The following XDH variants were observed in gnomAD, a reference collection of about 807,000 sequenced individuals.
XDH encodes the protein xanthine dehydrogenase/oxidase.
A neutral mutation model predicts 156.1 loss-of-function variants in XDH; 138 were observed. The observed-to-expected ratio is 0.88, with a 90% CI of 0.77 to 1.02. The LOEUF (loss-of-function observed/expected upper bound fraction) is 1.02. Among genes scored for constraint, XDH ranks in the 50% least tolerant of loss-of-function variants. The pLI is 0.00. For missense variants in XDH, 1,849 were observed against 1,684.9 expected (o/e 1.10, Z -1.71); for synonymous variants, 669 against 625.7 (o/e 1.07, Z -1.03).
chr2:31,382,032 C>T (rs978198441), intron 11 of XDH, among the ~76,000 whole-genome samples: 1 of 152,110 alleles, frequency 6.6e-6, no homozygotes, highest in Non-Finnish European at 1.5e-5. Flanking sequence ...GGTGATTTAT[C>T]ACAGAGGCCA....
At chr2:31,346,742 A>G (rs776142958) in intron 30 of XDH, 27 bp downstream of exon 30, 1 of 1,613,762 alleles carries the variant, frequency 6.2e-7, no homozygotes, top group Non-Finnish European at 8.5e-7. Context: ...TCCTTTGCAA[A>G]CGTGACTTGG....
chr2:31,413,288 T>C (rs1687390968), intron 1 of XDH, among the ~76,000 whole-genome samples: 2 of 152,214 alleles, frequency 1.3e-5, no homozygotes, highest in Admixed American at 1.3e-4. Flanking sequence ...ATTTCTACAA[T>C]GTAATTGCTG....
intron 24 of XDH, among the ~76,000 whole-genome samples, chr2:31,351,676 G>A (rs1685485560): frequency 6.6e-6 from 1 of 152,130 alleles, no homozygotes; most frequent in Admixed American, 6.5e-5. Flanking sequence ...ATCTTCATAA[G>A]AAAGGGTACA....
intron 11 of XDH, 30 bp downstream of exon 11, chr2:31,382,971 G>A (rs575837386): frequency 8.6e-5 from 138 of 1,613,882 alleles, no homozygotes; most frequent in South Asian, 8.1e-4. Flanking sequence ...TCCATCCTAC[G>A]GGCCTCGCTT....
chr2:31,346,710 G>C (rs1439634770), intron 30 of XDH, 59 bp downstream of exon 30: 2 of 1,594,170 alleles, frequency 1.3e-6, no homozygotes, highest in Admixed American at 3.3e-5. Context: ...TCGGAACGGA[G>C]GCCCTGCTGT....
intron 1 of XDH, among the ~76,000 whole-genome samples, chr2:31,408,412 C>A (rs1687250455): frequency 6.6e-6 from 1 of 152,178 alleles, no homozygotes; most frequent in Non-Finnish European, 1.5e-5. Context: ...CAACAGGATA[C>A]CAATGGGTAT....
At position 31,375,258 on chromosome 2, in the gene XDH, C is replaced by T. The variant is rs1033770822; in HGVS notation, c.1602+122G>A. The T allele has an allele frequency of 4.6e-6, 6 of 1,290,338 alleles. No individual in the cohort carries two copies. In the Admixed American group the frequency reaches 6.7e-5, roughly 14 times the overall value. The allele number at this position is 1,290,338 out of a possible 1,614,324, so 79.9% of individuals were successfully genotyped here. A position where few individuals can be genotyped will look rare whatever the true frequency, so the allele number is the denominator to read the frequency against. ...ATTTCCAAGATTCTTGTGCTGTGAC[C>T]CTGGTCCCTGCTATTCTGCCCTCAG... On this transcript the variant is annotated intron_variant, in intron 15 of 35. Transcript: ENST00000379416.
intron 1 of XDH, 71 bp from the exon 2 acceptor site, chr2:31,406,035 T>C: frequency 1.3e-6 from 2 of 1,518,562 alleles, no homozygotes; most frequent in South Asian, 1.1e-5. Flanking sequence ...AATTTCTTCC[T>C]TCAGTGTCTC....
chr2:31,342,394 A>G, intron 31 of XDH, 97 bp from the exon 32 acceptor site: 1 of 1,116,154 alleles, frequency 9.0e-7, no homozygotes, highest in Non-Finnish European at 1.3e-6. Flanking sequence ...TTTAAACCCC[A>G]CAAGTTTTTG....
At position 31,387,913 on chromosome 2, in the gene XDH, A is replaced by G; in HGVS notation, c.565-16T>C. On this transcript the variant is annotated splice_polypyrimidine_tract_variant and intron_variant, in intron 7 of 35. Coordinates refer to ENST00000379416, the MANE Select transcript of XDH (RefSeq NM_000379.4). ...AGAGGCTGACCTATGGGGAAAGAGA[A>G]CAGGTAGGTGATGCAGTATCTCCTC... 1 of 1,567,276 alleles carries G rather than the reference A, an allele frequency of 6.4e-7. No homozygotes were observed. Among genetic ancestry groups the G allele is most frequent in the East Asian group, 2.3e-5 (1 of 43,350 alleles).
chr2:31,386,667 A>T (rs921071607), intron 8 of XDH, 112 bp from the exon 9 acceptor site: 1 of 1,414,508 alleles, frequency 7.1e-7, no homozygotes, highest in South Asian at 1.2e-5. Flanking sequence ...GAATGAAAAT[A>T]TCTAACAGGA....
chr2:31,392,234 C>A (rs1314892640), intron 6 of XDH, among the ~76,000 whole-genome samples: 1 of 151,366 alleles, frequency 6.6e-6, no homozygotes, highest in Non-Finnish European at 1.5e-5. Flanking sequence ...TTTCATTGAT[C>A]TTTTTAAGGA....
At chr2:31,340,018 G>C (rs369971746) in intron 33 of XDH, among the ~76,000 whole-genome samples, 4 of 152,336 alleles carry the variant, frequency 2.6e-5, no homozygotes, top group African/African-American at 9.6e-5. Flanking sequence ...CTCACAGGAG[G>C]ATTTATTCGA....
intron 30 of XDH, among the ~76,000 whole-genome samples, chr2:31,346,231 C>CT (rs1411426604): frequency 2.0e-5 from 3 of 152,138 alleles, no homozygotes; most frequent in Middle Eastern, 3.2e-3. Flanking sequence ...ACATTCAGGC[C>CT]ACTGGTCTAG....
At chr2:31,381,831 C>G in intron 11 of XDH, 105 bp from the exon 12 acceptor site, 1 of 990,364 alleles carries the variant, frequency 1.0e-6, no homozygotes, top group Non-Finnish European at 1.6e-6. Context: ...TGCAGGCAAA[C>G]CCCTGAGGTC....
chr2:31,347,845 A>T (rs1321983412), intron 28 of XDH, among the ~76,000 whole-genome samples, 195 bp from the exon 29 acceptor site: 1 of 152,234 alleles, frequency 6.6e-6, no homozygotes, highest in Non-Finnish European at 1.5e-5. Context: ...TGGATAAAAA[A>T]TTCATAAACT....
chr2:31,412,159 G>A (rs2148015487), intron 1 of XDH, among the ~76,000 whole-genome samples: 1 of 152,260 alleles, frequency 6.6e-6, no homozygotes, highest in Middle Eastern at 3.4e-3. Flanking sequence ...CAAAAAGGCT[G>A]TCATTACAAT....
intron 6 of XDH, among the ~76,000 whole-genome samples, chr2:31,388,831 C>T: frequency 6.6e-6 from 1 of 152,212 alleles, no homozygotes; most frequent in East Asian, 1.9e-4. Flanking sequence ...TTATTAGGCA[C>T]TTCTTCCCAG....
chr2:31,342,147 T>C lies in XDH; in HGVS notation c.3519+36A>G, dbSNP rs948154372. 3 of 1,567,120 alleles carry C rather than the reference T, an allele frequency of 1.9e-6. No homozygotes were observed. The African/African-American group carries it at 4.1e-5, about 21-fold the overall frequency. ...TACAACTCAGTTGTTTCTCTTCTCT[T>C]TCCCACTAAGTACTAAAGTTTTGCA... On this transcript the variant is annotated intron_variant, in intron 32 of 35. Transcript: ENST00000379416.
Sources: gnomAD v4.1 joint callset for allele counts (sites outside exome capture counted in the v4.1 genomes callset) on GRCh38, gnomAD v4.1.1 for gene constraint, MANE v1.5 for transcripts, NCBI Gene and HGNC (gene_info 2026-07-23, HGNC 2026-07-21) for gene names.